The following JAKMIP1 variants were observed in gnomAD, a reference collection of about 807,000 sequenced individuals.
JAKMIP1 encodes the protein janus kinase and microtubule interacting protein 1.
In JAKMIP1, 33 loss-of-function variants were observed where a neutral mutation model predicts 113.0. The ratio of observed to expected loss-of-function variants is 0.29; its 90% confidence interval spans 0.22 to 0.39. The LOEUF (loss-of-function observed/expected upper bound fraction) is 0.39. JAKMIP1 is among the 10% of genes least tolerant of loss of function. The pLI, the probability that JAKMIP1 is intolerant of heterozygous loss-of-function variation, is 1.00. For missense variants in JAKMIP1, 813 were observed against 1,080.5 expected (o/e 0.75, Z 3.47); for synonymous variants, 480 against 459.9 (o/e 1.04, Z -0.56).
At chr4:6,126,855 C>A (rs1282092423) in intron 1 of JAKMIP1, among the ~76,000 whole-genome samples, 3 of 151,760 alleles carry the variant, frequency 2.0e-5, no homozygotes, top group African/African-American at 7.3e-5. Context: ...ATTACATATG[C>A]ATCATACAGA....
At chr4:6,034,151 A>C (rs936392905) in intron 19 of JAKMIP1, among the ~76,000 whole-genome samples, 1 of 152,098 alleles carries the variant, frequency 6.6e-6, no homozygotes, top group African/African-American at 2.4e-5. Flanking sequence ...AATCCTATAT[A>C]CAGGGTACTA....
chr4:6,058,248 T>C (rs1716764642), intron 11 of JAKMIP1, among the ~76,000 whole-genome samples: 1 of 152,256 alleles, frequency 6.6e-6, no homozygotes, highest in Non-Finnish European at 1.5e-5. Context: ...AAGTTTCCCT[T>C]CTTATGAAAG....
chr4:6,167,971 C>G lies in JAKMIP1; in HGVS notation c.-148+32282G>C, dbSNP rs1235077906. ...CAGCATGCAGACAATGAGGAGTCCG[C>G]CCATCCTCCACATCACCCGGTGTTC... On this transcript the variant is annotated intron_variant, in intron 1 of 20. Transcript: ENST00000409021. The surrounding 1 kb of genome is among the most constrained non-coding windows in gnomAD (Gnocchi z 5.3). 1.3e-5 allele frequency among the ~76,000 whole-genome samples: 2 copies of G among 152,178 alleles called. No homozygotes were observed. Among genetic ancestry groups the G allele is most frequent in the Non-Finnish European group, 2.9e-5 (2 of 68,032 alleles).
chr4:6,127,750 A>G (rs1717908182), intron 1 of JAKMIP1, among the ~76,000 whole-genome samples: 1 of 152,176 alleles, frequency 6.6e-6, no homozygotes, highest in Admixed American at 6.5e-5. Context: ...GCCTCTCTCG[A>G]AAGTCCTTCC....
chr4:6,087,286 T>C (rs942830607), intron 3 of JAKMIP1, among the ~76,000 whole-genome samples: 14 of 150,780 alleles, frequency 9.3e-5, no homozygotes, highest in African/African-American at 2.7e-4. Flanking sequence ...CATATGACCA[T>C]GGGCAGGTTG....
At chr4:6,170,722 A>G (rs1312370984) in intron 1 of JAKMIP1, among the ~76,000 whole-genome samples, 2 of 77,866 alleles carry the variant, frequency 2.6e-5, no homozygotes, top group African/African-American at 7.3e-5. Context: ...CACCATCCCC[A>G]TCCCCATCAC....
At chr4:6,147,784 C>A (rs1354453333) in intron 1 of JAKMIP1, among the ~76,000 whole-genome samples, 2 of 152,278 alleles carry the variant, frequency 1.3e-5, no homozygotes, top group African/African-American at 4.8e-5. Flanking sequence ...AAGTCTCTCC[C>A]ATCACCTGCT....
At chr4:6,070,561 G>A (rs754159319) in intron 8 of JAKMIP1, among the ~76,000 whole-genome samples, 5 of 152,222 alleles carry the variant, frequency 3.3e-5, no homozygotes, top group Admixed American at 2.6e-4. Flanking sequence ...TCCCTGAGCC[G>A]AGAGCCTGTT....
At chr4:6,110,087 T>A (rs1444837008) in intron 2 of JAKMIP1, among the ~76,000 whole-genome samples, 1 of 152,162 alleles carries the variant, frequency 6.6e-6, no homozygotes, top group African/African-American at 2.4e-5. Flanking sequence ...TACCACCTAC[T>A]GTGCTGGCCT....
Position 6,050,563 on chromosome 4 carries a change from C to A in JAKMIP1, c.1908+15G>T. ...TTGGCTGGCATTCAGCAGAGGCACC[C>A]CCCAGGCACGCTACCTTAACTCCTT... is the stretch of plus-strand genomic sequence containing the variant. On this transcript the variant is annotated intron_variant, in intron 14 of 20. Coordinates refer to ENST00000409021, the MANE Select transcript of JAKMIP1 (RefSeq NM_001099433.2). The surrounding 1 kb of genome is among the most constrained non-coding windows in gnomAD (Gnocchi z 7.4). The A allele has an allele frequency of 6.4e-7, 1 of 1,550,516 alleles. No homozygotes were observed. Among genetic ancestry groups the A allele is most frequent in the Non-Finnish European group, 8.7e-7 (1 of 1,144,258 alleles).
rs1718663386 is a variant in JAKMIP1, at chr4:6,069,596, T to C, written c.1303-4588A>G. Among the ~76,000 whole-genome samples the C allele has an allele frequency of 6.6e-6, 1 of 151,842 alleles. No homozygotes were observed. Among genetic ancestry groups the C allele is most frequent in the Non-Finnish European group, 1.5e-5 (1 of 67,976 alleles). Reference sequence around the variant, plus strand: ...AGAATCCATCTCTACAAAAAGTTATTTAAAAAGTTAGCCGAGTATGGTGGC... The same window carrying C: ...AGAATCCATCTCTACAAAAAGTTATCTAAAAAGTTAGCCGAGTATGGTGGC... On this transcript the variant is annotated intron_variant, in intron 8 of 20. Transcript: ENST00000409021. This position sits in a 1 kb window ranked among gnomAD's most constrained non-coding sequence, Gnocchi z 4.5.
At chr4:6,117,821 T>C (rs1489581762) in intron 1 of JAKMIP1, among the ~76,000 whole-genome samples, 2 of 152,202 alleles carry the variant, frequency 1.3e-5, no homozygotes, top group East Asian at 3.8e-4. Flanking sequence ...TTTCTCCCAT[T>C]TGCTTTTGAA....
At chr4:6,029,869 A>C (rs1712368314) in intron 19 of JAKMIP1, 88 bp from the exon 20 acceptor site, 7 of 922,022 alleles carry the variant, frequency 7.6e-6, no homozygotes, top group Non-Finnish European at 3.5e-6. Flanking sequence ...TCTAGCACAG[A>C]AGCTGTAAAG....
Position 6,090,164 on chromosome 4 carries a change from G to A in JAKMIP1, c.625-4535C>T, listed in dbSNP as rs140283840. 4.7e-3 allele frequency among the ~76,000 whole-genome samples: 718 copies of A among 152,152 alleles called. 7 individuals carry two copies. Among genetic ancestry groups the A allele is most frequent in the African/African-American group, 0.016 (668 of 41,508 alleles). On this transcript the variant is annotated intron_variant, in intron 3 of 20. Transcript: ENST00000409021. ...TTGAACCTGGCAGGCAGAGGTTGCA[G>A]TGAGCCGAGGTCACGCCACTGCACT... is the stretch of plus-strand genomic sequence containing the variant.
chr4:6,125,598 AACAC>A (rs111906803), intron 1 of JAKMIP1, among the ~76,000 whole-genome samples: 11 of 112,084 alleles, frequency 9.8e-5, no homozygotes, highest in Middle Eastern at 4.9e-3. Context: ...ACCATGCAGA[AACAC>A]ACACACACAC....
chr4:6,110,419 C>T (rs112749583), intron 2 of JAKMIP1, among the ~76,000 whole-genome samples: 19 of 151,522 alleles, frequency 1.3e-4, no homozygotes, highest in Admixed American at 3.3e-4. Flanking sequence ...TTGCGTAAGC[C>T]GCCCTATCTG....
chr4:6,056,126 AGG>A, intron 12 of JAKMIP1, among the ~76,000 whole-genome samples: 1 of 148,870 alleles, frequency 6.7e-6, no homozygotes, highest in African/African-American at 2.5e-5. Context: ...CCATTTCTGC[AGG>A]GTGTCCTTAG....
At position 6,150,846 on chromosome 4, in the gene JAKMIP1, A is replaced by T. The variant is rs1721486091; in HGVS notation, c.-147-37849T>A. On this transcript the variant is annotated intron_variant, in intron 1 of 20. Coordinates refer to ENST00000409021, the MANE Select transcript of JAKMIP1 (RefSeq NM_001099433.2). The surrounding 1 kb of genome is among the most constrained non-coding windows in gnomAD (Gnocchi z 4.8). ...AGCTCCTCCACTTGAGCAAGACAGT[A>T]ATAATGTCTGCCACCGGAAGACACC... Among the ~76,000 whole-genome samples, 1 of 152,184 alleles carries T rather than the reference A, an allele frequency of 6.6e-6. No homozygotes were observed. The highest frequency in any genetic ancestry group is 2.4e-5 in the African/African-American group (1 of 41,444).
rs371471879 is a variant in JAKMIP1 at position 6,168,131 on chromosome 4, G to C, written c.-148+32122C>G. On this transcript the variant is annotated intron_variant, in intron 1 of 20. Coordinates refer to ENST00000409021, the MANE Select transcript of JAKMIP1 (RefSeq NM_001099433.2). This position sits in a 1 kb window ranked among gnomAD's most constrained non-coding sequence, Gnocchi z 4.6. ...CCAGGACGGCTGCAATCAAAAAAGC[G>C]CACAACAACAAGTGTGGGTGAGCAT... 1.3e-5 allele frequency among the ~76,000 whole-genome samples: 2 copies of C among 152,174 alleles called. No individual in the cohort carries two copies. The highest frequency in any genetic ancestry group is 1.9e-4 in the East Asian group (1 of 5,188).
Sources: gnomAD v4.1 joint callset for allele counts (sites outside exome capture counted in the v4.1 genomes callset) on GRCh38, gnomAD v4.1.1 for gene constraint, Gnocchi (gnomAD v3.1) non-coding constraint, MANE v1.5 for transcripts, NCBI Gene and HGNC (gene_info 2026-07-23, HGNC 2026-07-21) for gene names.